FSIP2: variants seen among roughly 807,000 people sequenced by gnomAD.
FSIP2 encodes fibrous sheath-interacting protein 2.
In FSIP2, 367 loss-of-function variants were observed where a neutral mutation model predicts 510.5. The ratio of observed to expected loss-of-function variants is 0.72; its 90% CI spans 0.66 to 0.78. The LOEUF (loss-of-function observed/expected upper bound fraction) is 0.78, where lower values mean the gene tolerates loss of function less well. Ranked by LOEUF, FSIP2 falls within the 30% of genes least tolerant of loss-of-function variation. FSIP2 has a pLI of 0.00. For synonymous variants in FSIP2, 2,601 were observed against 2,732.2 expected, an observed-to-expected ratio of 0.95 and a Z score of 1.50; for missense variants, 7,594 against 7,901.7, an observed-to-expected ratio of 0.96 and a Z score of 1.48.
Position 185,801,791 on chromosome 2 carries a change from C to A in FSIP2, c.12485C>A (p.Ser4162Tyr). The A allele has an allele frequency of 6.7e-7, 1 of 1,496,140 alleles. No homozygotes were observed. The highest frequency in any genetic ancestry group is 1.3e-5 in the South Asian group (1 of 78,246). The allele number at this position is 1,496,140 out of a possible 1,614,324, so 92.7% of individuals were successfully genotyped here. A position where few individuals can be genotyped will look rare whatever the true frequency, so the allele number is the denominator to read the frequency against. Residue 4162 changes from serine (S) to tyrosine (Y), a missense_variant, in exon 17 of 23, where the codon TCC becomes TAC. Transcript: ENST00000424728. ...SQLIPPPITC[S>Y]SLGKKYLMSS... is the part of the protein sequence containing the mutation. Reference sequence around the variant, plus strand: ...CTAATTCCTCCACCCATTACATGTTCCTCTTTAGGAAAAAAATATTTAATG... The same window carrying A: ...CTAATTCCTCCACCCATTACATGTTACTCTTTAGGAAAAAAATATTTAATG...
chr2:185,801,979 TCTGA>T lies in FSIP2; in HGVS notation c.12676_12679del (p.Asp4226LeufsTer9). 6.6e-7 allele frequency: 1 copy of T among 1,524,466 alleles called. No homozygotes were observed. Among genetic ancestry groups the T allele is most frequent in the Non-Finnish European group, 8.8e-7 (1 of 1,141,636 alleles). 94.4% of individuals were successfully genotyped at this position (1,524,466 alleles called of 1,614,324 possible). On this transcript the variant is annotated frameshift_variant, in exon 17 of 23. Transcript: ENST00000424728. LOFTEE classifies it high-confidence loss of function. ...TGTATATTGTAATATTTTGCAAATG[TCTGA>T]CTCTCTTGTTTCAATACAAAAAAGT...
At chr2:185,748,046 G>T (rs1161892678) in intron 7 of FSIP2, among the ~76,000 whole-genome samples, 2 of 151,832 alleles carry the variant, frequency 1.3e-5, no homozygotes, top group African/African-American at 2.4e-5. Flanking sequence ...GGCAATTTTA[G>T]GTAGGTTATT....
Position 185,795,420 on chromosome 2 carries a change from GC to G in FSIP2, c.8285del (p.Ala2762ValfsTer8). The G allele has an allele frequency of 6.5e-7, 1 of 1,534,722 alleles. No homozygotes were observed. The highest frequency in any genetic ancestry group is 1.2e-5 in the South Asian group (1 of 84,042). On this transcript the variant is annotated frameshift_variant, in exon 16 of 23. Coordinates refer to ENST00000424728, the MANE Select transcript of FSIP2 (RefSeq NM_173651.4). LOFTEE classifies it high-confidence loss of function. ...KEFGKVKQTK[A>X]LPSDQIIAAG... ...ATTTGGAAAGGTAAAGCAAACCAAA[GC>G]TTTACCATCTGATCAAATCATAGCA...
Position 185,795,191 on chromosome 2 carries a change from T to C in FSIP2, c.8055T>C (p.Ser2685=). The change falls in exon 16 of 23, where the codon AGT becomes AGC. Residue 2685 remains serine (S), a synonymous_variant. Coordinates refer to ENST00000424728, the MANE Select transcript of FSIP2 (RefSeq NM_173651.4). ...KFTKKTHLGL[S]AAKAKSKTKL... is the part of the protein sequence containing the mutation. The stretch of plus-strand genomic sequence containing the variant: ...CAAAAAAAACACACTTAGGACTGAG[T>C]GCTGCTAAGGCCAAAAGCAAAACCA... 6.5e-7 allele frequency: 1 copy of C among 1,534,804 alleles called. No homozygotes were observed. Among genetic ancestry groups the C allele is most frequent in the South Asian group, 1.2e-5 (1 of 84,028 alleles).
chr2:185,795,278 A>G lies in FSIP2; in HGVS notation c.8142A>G (p.Ser2714=). Residue 2714 remains serine (S), a synonymous_variant, in exon 16 of 23, where the codon TCA becomes TCG. Transcript: ENST00000424728. ...GATCCAAGACTGCCATTGGGTTGTC[A>G]CACATCATGTCAGCTGGAGATGCCA... is the stretch of plus-strand genomic sequence containing the variant. The part of the protein sequence containing the change: ...DSRSKTAIGL[S]HIMSAGDAKN... 6.5e-7 allele frequency: 1 copy of G among 1,535,178 alleles called. No homozygotes were observed. The highest frequency in any genetic ancestry group is 1.2e-5 in the South Asian group (1 of 84,044).
chr2:185,759,852 A>G (rs1030727918), intron 9 of FSIP2, among the ~76,000 whole-genome samples: 5 of 150,470 alleles, frequency 3.3e-5, no homozygotes, highest in Non-Finnish European at 7.5e-5. Flanking sequence ...TAAAATTAGC[A>G]TAATTTCTTG....
chr2:185,813,926 G>A lies in FSIP2; in HGVS notation c.20209G>A (p.Val6737Ile). 1 of 1,613,618 alleles carries A rather than the reference G, an allele frequency of 6.2e-7. No individual in the cohort carries two copies. The highest frequency in any genetic ancestry group is 8.5e-7 in the Non-Finnish European group (1 of 1,179,710). ...AAGTACTGAAGCAATCTCAAATCAG[G>A]TAATAGAATCCAAGGAGACACATGT... ...IESTEAISNQ[V>I]IESKETHVKR... Residue 6737 changes from valine (V) to isoleucine (I), a missense_variant, in exon 18 of 23, where the codon GTA (valine) becomes ATA (isoleucine). Val to Ile is a conservative substitution (Grantham distance 29, BLOSUM62 3). Coordinates refer to ENST00000424728, the MANE Select transcript of FSIP2 (RefSeq NM_173651.4).
chr2:185,826,681 G>A (rs931050147), intron 20 of FSIP2, among the ~76,000 whole-genome samples: 1 of 151,752 alleles, frequency 6.6e-6, no homozygotes, highest in African/African-American at 2.4e-5. Flanking sequence ...ATTTATGTCT[G>A]TTAACAGCTA....
At chr2:185,760,834 T>G (rs1419885712) in intron 9 of FSIP2, among the ~76,000 whole-genome samples, 154 bp from the exon 10 acceptor site, 3 of 150,604 alleles carry the variant, frequency 2.0e-5, no homozygotes, top group Non-Finnish European at 4.5e-5. Context: ...AATAGACATG[T>G]TATCTTGAAT....
rs1185376517 is a variant in FSIP2, at chr2:185,800,641, G to A, written c.11335G>A (p.Val3779Ile). 4.6e-6 allele frequency: 7 copies of A among 1,534,140 alleles called. No homozygotes were observed. The highest frequency in any genetic ancestry group is 5.2e-6 in the Non-Finnish European group (6 of 1,145,690). The change falls in exon 17 of 23, where the codon GTT becomes ATT. Residue 3779 changes from valine (V) to isoleucine (I), a missense_variant. Coordinates refer to ENST00000424728, the MANE Select transcript of FSIP2 (RefSeq NM_173651.4). ...TSTAFPDKGS[V>I]SEETSAEECQ... ...CACTGCTTTTCCTGATAAAGGGTCT[G>A]TTTCAGAGGAAACATCAGCAGAAGA...
At chr2:185,815,984 T>G (rs904579248) in intron 19 of FSIP2, among the ~76,000 whole-genome samples, 1 of 152,020 alleles carries the variant, frequency 6.6e-6, no homozygotes, top group African/African-American at 2.4e-5. Flanking sequence ...AATCCAAGTT[T>G]GGATGACACT....
intron 18 of FSIP2, among the ~76,000 whole-genome samples, chr2:185,814,489 A>C (rs1269810737): frequency 6.6e-6 from 1 of 152,056 alleles, no homozygotes; most frequent in East Asian, 2.0e-4. Context: ...CTCAGTAGCT[A>C]GCTGACCTTT....
At position 185,791,934 on chromosome 2, in the gene FSIP2, C is replaced by T. The variant is rs1448134868; in HGVS notation, c.4798C>T (p.His1600Tyr). ...TAAACTGGAAGGGTTTGCCAACGGA[C>T]ATTTAGAAATTTTGGGTGCTATTAA... ...FAKLEGFANGHLEILGAINDG... is the reference protein window; with the variant it reads ...FAKLEGFANGYLEILGAINDG... Residue 1600 changes from histidine (H) to tyrosine (Y), a missense_variant, in exon 16 of 23, where the codon CAT becomes TAT. Physicochemically the swap from His to Tyr is moderately conservative, Grantham distance 83. Transcript: ENST00000424728. 2 of 1,533,674 alleles carry T rather than the reference C, an allele frequency of 1.3e-6. No individual in the cohort carries two copies. The highest frequency in any genetic ancestry group is 8.7e-7 in the Non-Finnish European group (1 of 1,145,258).
chr2:185,807,835 A>G lies in FSIP2; in HGVS notation c.18529A>G (p.Asn6177Asp). The G allele has an allele frequency of 6.2e-7, 1 of 1,611,882 alleles. No homozygotes were observed. The highest frequency in any genetic ancestry group is 1.3e-5 in the African/African-American group (1 of 74,934). The change falls in exon 17 of 23, where the codon AAC becomes GAC. Residue 6177 changes from asparagine to aspartate, a missense_variant. By Grantham distance (23) the Asn-to-Asp change is conservative. Transcript: ENST00000424728. ...TTCACATGCTGATAAGCTGTCTTATAACATAATAGAAGAAATTGCTGTGAA... is the reference window on the plus strand; with the variant it reads ...TTCACATGCTGATAAGCTGTCTTATGACATAATAGAAGAAATTGCTGTGAA... The part of the protein sequence containing the change: ...KPSHADKLSY[N>D]IIEEIAVKFL...
intron 7 of FSIP2, among the ~76,000 whole-genome samples, chr2:185,753,175 G>T (rs1234743330): frequency 1.3e-5 from 2 of 151,242 alleles, no homozygotes; most frequent in Non-Finnish European, 3.0e-5. Context: ...AGTCCTTTAG[G>T]AAGATCTTTA....
At position 185,813,894 on chromosome 2, in the gene FSIP2, A is replaced by T. The variant is rs1249322998; in HGVS notation, c.20177A>T (p.Asn6726Ile). 2.5e-6 allele frequency: 4 copies of T among 1,613,768 alleles called. No individual in the cohort carries two copies. The highest frequency in any genetic ancestry group is 3.4e-6 in the Non-Finnish European group (4 of 1,179,794). The change falls in exon 18 of 23, where the codon AAT (asparagine) becomes ATT (isoleucine). Residue 6726 changes from asparagine to isoleucine, a missense_variant. Physicochemically the swap from Asn to Ile is moderately radical, Grantham distance 149 (BLOSUM62 -3). Transcript: ENST00000424728. The stretch of plus-strand genomic sequence containing the variant: ...TGTTGTCAGACCACAGCCAGTGCAA[A>T]TATTGAAAGTACTGAAGCAATCTCA... ...SKCCQTTASA[N>I]IESTEAISNQ...
chr2:185,790,526 C>G lies in FSIP2; in HGVS notation c.3390C>G (p.Asp1130Glu). The change falls in exon 16 of 23, where the codon GAC becomes GAG. Residue 1130 changes from aspartate (D) to glutamate (E), a missense_variant. Physicochemically the swap from Asp to Glu is conservative, Grantham distance 45 (BLOSUM62 2). Transcript: ENST00000424728. ...DISSVPFGHL[D>E]SKTGSEASVL... ...CTTCCGTTCCTTTTGGTCACTTAGACAGCAAAACTGGCAGTGAAGCTTCAG... is the reference window on the plus strand; with the variant it reads ...CTTCCGTTCCTTTTGGTCACTTAGAGAGCAAAACTGGCAGTGAAGCTTCAG... 1.3e-6 allele frequency: 2 copies of G among 1,534,056 alleles called. No individual in the cohort carries two copies. Among genetic ancestry groups the G allele is most frequent in the East Asian group, 2.4e-5 (1 of 40,832 alleles).
In FSIP2 at chr2:185,802,116, T is replaced by C. The variant is rs781675484; in HGVS notation, c.12810T>C (p.His4270=). ...TTTTGAGTGGAGAGGTTTTATGTCATCCAAGGACTCCACTGGATCCAGTGT... is the reference window on the plus strand; with the variant it reads ...TTTTGAGTGGAGAGGTTTTATGTCACCCAAGGACTCCACTGGATCCAGTGT... ...QPFLSGEVLC[H]PRTPLDPVST... Residue 4270 remains histidine, a synonymous_variant, in exon 17 of 23, where the codon CAT becomes CAC. Transcript: ENST00000424728. 7 of 1,533,328 alleles carry C rather than the reference T, an allele frequency of 4.6e-6. No individual in the cohort carries two copies. In the African/African-American group the frequency reaches 5.5e-5, roughly 12 times the overall value. 95.0% of individuals were successfully genotyped at this position (1,533,328 alleles called of 1,614,324 possible).
At chr2:185,762,287 T>C (rs1427349605) in intron 11 of FSIP2, among the ~76,000 whole-genome samples, 1 of 151,262 alleles carries the variant, frequency 6.6e-6, no homozygotes, top group African/African-American at 2.4e-5. Context: ...GACGCTGGCA[T>C]AGTGGCTTCA....
Sources: allele counts gnomAD v4.1 joint callset (sites outside exome capture counted in the v4.1 genomes callset), GRCh38; gene constraint gnomAD v4.1.1; transcripts MANE v1.5; gene names NCBI Gene and HGNC (gene_info 2026-07-23, HGNC 2026-07-21).